Variants in LRMDA observed in about 807,000 individuals in gnomAD.
LRMDA encodes leucine-rich melanocyte differentiation-associated protein.
LRMDA carries 18 observed loss-of-function variants against 29.8 expected under a neutral mutation model. That is an observed-to-expected ratio of 0.60 (90% CI 0.42 to 0.90). LRMDA has a LOEUF of 0.90. Among genes scored for constraint, LRMDA ranks in the 40% least tolerant of loss-of-function variants. LRMDA has a pLI of 0.00. For missense variants in LRMDA, 273 were observed against 273.9 expected, an observed-to-expected ratio of 1.00 and a Z score of 0.02; for synonymous variants, 125 against 109.4, an observed-to-expected ratio of 1.14 and a Z score of -0.89.
intron 2 of LRMDA, among the ~76,000 whole-genome samples, chr10:75,624,161 A>G (rs1291443090): frequency 6.6e-6 from 1 of 152,176 alleles, no homozygotes; most frequent in East Asian, 1.9e-4. Flanking sequence ...TAAATAATAC[A>G]ATAACATATT....
At chr10:75,558,407 G>T (rs1200031450) in intron 2 of LRMDA, among the ~76,000 whole-genome samples, 1 of 152,086 alleles carries the variant, frequency 6.6e-6, no homozygotes, top group African/African-American at 2.4e-5. Flanking sequence ...GTGTTTACTT[G>T]ACTTGAATCC....
intron 5 of LRMDA, among the ~76,000 whole-genome samples, chr10:76,299,186 T>TGTGTGTGTGTGTGC (rs1554863821): frequency 6.6e-6 from 1 of 151,122 alleles, no homozygotes. Flanking sequence ...TGTGTGTGTG[T>TGTGTGTGTGTGTGC]GTGCATGCAC....
At chr10:75,670,509 A>G (rs1841878119) in intron 2 of LRMDA, among the ~76,000 whole-genome samples, 1 of 152,212 alleles carries the variant, frequency 6.6e-6, no homozygotes, top group African/African-American at 2.4e-5. Flanking sequence ...AAAGTGAAGC[A>G]GGCTCGCTAG....
chr10:75,593,161 T>C (rs541330213), intron 2 of LRMDA, among the ~76,000 whole-genome samples: 1 of 152,276 alleles, frequency 6.6e-6, no homozygotes. Flanking sequence ...CATCCCAACG[T>C]TGGATAATTT....
intron 5 of LRMDA, among the ~76,000 whole-genome samples, chr10:76,257,697 A>G (rs1306813523): frequency 1.3e-5 from 2 of 152,308 alleles, no homozygotes; most frequent in Non-Finnish European, 2.9e-5. Flanking sequence ...TTGCTGAAAA[A>G]ATATGTAATT....
intron 3 of LRMDA, among the ~76,000 whole-genome samples, chr10:76,040,217 G>C (rs61488244): frequency 0.011 from 1,749 of 152,244 alleles, 47 homozygotes; most frequent in African/African-American, 0.04. Context: ...AGCATCCTGA[G>C]CCTGCCTCTG....
At chr10:76,524,327 C>A (rs979248453) in intron 6 of LRMDA, among the ~76,000 whole-genome samples, 1 of 152,146 alleles carries the variant, frequency 6.6e-6, no homozygotes, top group Non-Finnish European at 1.5e-5. Flanking sequence ...GGAGACAAAG[C>A]GAGGATGGGA....
chr10:76,363,165 GAAAGAAAGAAA>G (rs1841336879), intron 6 of LRMDA, among the ~76,000 whole-genome samples: 58 of 39,642 alleles, frequency 1.5e-3, no homozygotes, highest in Admixed American at 2.6e-3. Context: ...AAGAAAGAAA[GAAAGAAAGAAA>G]GGAGGGAGGG....
intron 6 of LRMDA, among the ~76,000 whole-genome samples, chr10:76,487,075 T>C (rs1233514052): frequency 6.6e-6 from 1 of 152,060 alleles, no homozygotes; most frequent in Non-Finnish European, 1.5e-5. Context: ...TCTTGGGCAG[T>C]AACAACATTA....
intron 6 of LRMDA, among the ~76,000 whole-genome samples, chr10:76,529,965 A>G (rs1843216829): frequency 6.6e-6 from 1 of 152,106 alleles, no homozygotes; most frequent in Admixed American, 6.6e-5. Context: ...CTTTGAGGCC[A>G]AGCATAAGGG....
chr10:75,778,087 C>CT lies in LRMDA; in HGVS notation c.132-257913dup, dbSNP rs569586321. Among the ~76,000 whole-genome samples, 62 of 151,792 alleles carry CT rather than the reference C, an allele frequency of 4.1e-4. No homozygotes were observed. In the East Asian group the frequency reaches 0.012, roughly 28 times the overall value. On this transcript the variant is annotated intron_variant, in intron 2 of 6. Transcript: ENST00000611255. ...CTCTTGTCCATCTATTTCTTTCTTTCTTTTTTTTGAGACAGGGTCTCACTC... is the reference window on the plus strand; with the variant it reads ...CTCTTGTCCATCTATTTCTTTCTTTCTTTTTTTTTGAGACAGGGTCTCACTC...
chr10:75,704,166 G>T (rs1479085362), intron 2 of LRMDA, among the ~76,000 whole-genome samples: 1 of 152,148 alleles, frequency 6.6e-6, no homozygotes, highest in Non-Finnish European at 1.5e-5. Flanking sequence ...AATAATTTAA[G>T]TCAGTTATAG....
chr10:76,351,896 A>G (rs1338381347), intron 6 of LRMDA, among the ~76,000 whole-genome samples: 1 of 152,060 alleles, frequency 6.6e-6, no homozygotes, highest in Non-Finnish European at 1.5e-5. Flanking sequence ...TCAACAGTAA[A>G]AGGTGGGTGC....
At chr10:75,752,295 T>C (rs1842978845) in intron 2 of LRMDA, among the ~76,000 whole-genome samples, 1 of 143,798 alleles carries the variant, frequency 7.0e-6, no homozygotes, top group African/African-American at 2.6e-5. Flanking sequence ...CACTGCAAGC[T>C]CCGCCTCCCA....
intron 2 of LRMDA, among the ~76,000 whole-genome samples, chr10:75,621,199 T>TACACACAC (rs753933285): frequency 0.035 from 4,752 of 136,682 alleles, 83 homozygotes; most frequent in African/African-American, 0.053. Context: ...AGTATTCCAT[T>TACACACAC]ACACACACAC....
chr10:75,650,021 C>A (rs1252265620), intron 2 of LRMDA, among the ~76,000 whole-genome samples: 5 of 152,112 alleles, frequency 3.3e-5, no homozygotes, highest in Non-Finnish European at 7.4e-5. Flanking sequence ...GAGTATTAAT[C>A]CCTTATCAGA....
chr10:76,419,181 A>G (rs1467994810), intron 6 of LRMDA, among the ~76,000 whole-genome samples: 1 of 152,116 alleles, frequency 6.6e-6, no homozygotes, highest in Non-Finnish European at 1.5e-5. Flanking sequence ...TGTTTCCACT[A>G]TTAGAGCATC....
intron 6 of LRMDA, among the ~76,000 whole-genome samples, chr10:76,329,921 G>A (rs1196792231): frequency 1.3e-5 from 2 of 152,144 alleles, no homozygotes; most frequent in Non-Finnish European, 2.9e-5. Context: ...AATACAGAGT[G>A]TTTTGCTTCA....
chr10:75,782,783 G>C, intron 2 of LRMDA: 1 of 1,412,944 alleles, frequency 7.1e-7, no homozygotes, highest in Non-Finnish European at 9.2e-7. Flanking sequence ...GGATCTGGCT[G>C]AAAGACCCGC....
Sources: allele counts gnomAD v4.1 joint callset (sites outside exome capture counted in the v4.1 genomes callset), GRCh38; gene constraint gnomAD v4.1.1; transcripts MANE v1.5; gene names NCBI Gene and HGNC (gene_info 2026-07-23, HGNC 2026-07-21).